CLEC16A: variants seen among roughly 807,000 people sequenced by gnomAD.
CLEC16A encodes C-type lectin domain containing 16A.
Under a neutral mutation model 109.5 loss-of-function variants are expected in CLEC16A, and 51 were observed. The observed-to-expected ratio is 0.47, with a 90% CI of 0.37 to 0.59. The LOEUF (loss-of-function observed/expected upper bound fraction) is 0.59, where lower values mean the gene tolerates loss of function less well. Among genes scored for constraint, CLEC16A ranks in the 20% least tolerant of loss-of-function variants. The probability of loss-of-function intolerance (pLI) is 0.00; values close to 1 mark genes in which losing one functional copy is unlikely to be tolerated. For synonymous variants in CLEC16A, 673 were observed against 564.2 expected (o/e 1.19, Z -2.73); for missense variants, 1,339 against 1,394.0 (o/e 0.96, Z 0.63).
intron 22 of CLEC16A, among the ~76,000 whole-genome samples, chr16:11,138,358 G>A (rs1194238569): frequency 6.6e-6 from 1 of 152,244 alleles, no homozygotes; most frequent in Non-Finnish European, 1.5e-5. Context: ...AAGCTCAGCA[G>A]GGCCCGATAG....
intron 19 of CLEC16A, among the ~76,000 whole-genome samples, chr16:11,087,806 G>C (rs772434921): frequency 1.3e-5 from 2 of 152,246 alleles, no homozygotes; most frequent in Non-Finnish European, 2.9e-5. Flanking sequence ...AGAGGAGGAC[G>C]GGGCTTGCCC....
At chr16:10,963,177 G>A (rs1444619331) in intron 3 of CLEC16A, among the ~76,000 whole-genome samples, 1 of 152,216 alleles carries the variant, frequency 6.6e-6, no homozygotes, top group Non-Finnish European at 1.5e-5. Flanking sequence ...TCATCTGTGT[G>A]TGAGTGGAGA....
chr16:11,120,697 G>T lies in CLEC16A; in HGVS notation c.2199G>T (p.Gln733His), dbSNP rs1456775643. The T allele has an allele frequency of 3.1e-6, 5 of 1,610,752 alleles. No homozygotes were observed. The South Asian group carries it at 3.3e-5, about 11-fold the overall frequency. ...VQRFLAVDIY[Q>H]MSLVEPDVSR... ...GATTCCTGGCTGTGGATATTTACCA[G>T]ATGAGTTTGGTGGAGCCTGATGTGT... The change falls in exon 20 of 24, where the codon CAG (glutamine) becomes CAT (histidine). Residue 733 changes from glutamine (Q) to histidine (H), a missense_variant. Physicochemically the swap from Gln to His is conservative, Grantham distance 24 (BLOSUM62 0). Transcript: ENST00000409790.
At chr16:11,138,562 C>T (rs1405901891) in intron 22 of CLEC16A, among the ~76,000 whole-genome samples, 1 of 152,180 alleles carries the variant, frequency 6.6e-6, no homozygotes, top group Non-Finnish European at 1.5e-5. Context: ...CCCTTCACTG[C>T]ATGCTCACAG....
chr16:11,107,825 C>G (rs1311048587), intron 19 of CLEC16A, among the ~76,000 whole-genome samples: 1 of 152,232 alleles, frequency 6.6e-6, no homozygotes, highest in Non-Finnish European at 1.5e-5. Context: ...TTTCAGTTTT[C>G]AGTGGATTCT....
chr16:11,119,327 C>T (rs1487341193), intron 19 of CLEC16A, among the ~76,000 whole-genome samples: 1 of 152,054 alleles, frequency 6.6e-6, no homozygotes, highest in African/African-American at 2.4e-5. Context: ...TATACCAGTA[C>T]CATGCTGTGT....
chr16:11,112,680 T>TAC (rs1269440239), intron 19 of CLEC16A, among the ~76,000 whole-genome samples: 1 of 151,736 alleles, frequency 6.6e-6, no homozygotes, highest in African/African-American at 2.4e-5. Context: ...CATACATACA[T>TAC]ACACACACAC....
intron 19 of CLEC16A, among the ~76,000 whole-genome samples, chr16:11,117,747 G>A (rs1233147660): frequency 5.3e-5 from 8 of 152,052 alleles, no homozygotes; most frequent in Non-Finnish European, 1.2e-4. Flanking sequence ...TTTTTAAATG[G>A]GTATATAATT....
intron 11 of CLEC16A, among the ~76,000 whole-genome samples, chr16:11,009,018 A>T (rs891172875): frequency 6.6e-6 from 1 of 152,040 alleles, no homozygotes; most frequent in East Asian, 1.9e-4. Flanking sequence ...AAAAAAGTAC[A>T]TTCACGTTGT....
At chr16:11,110,441 C>T (rs2051508504) in intron 19 of CLEC16A, among the ~76,000 whole-genome samples, 1 of 152,112 alleles carries the variant, frequency 6.6e-6, no homozygotes, top group Non-Finnish European at 1.5e-5. Flanking sequence ...GCCCGGGGGG[C>T]CTGTGTATCT....
chr16:11,155,358 C>T (rs1464818367), intron 22 of CLEC16A, among the ~76,000 whole-genome samples: 2 of 152,188 alleles, frequency 1.3e-5, no homozygotes, highest in African/African-American at 2.4e-5. Flanking sequence ...CTGTCACATG[C>T]CCAGAGCCAC....
At chr16:11,093,088 C>T (rs1468690543) in intron 19 of CLEC16A, among the ~76,000 whole-genome samples, 1 of 152,252 alleles carries the variant, frequency 6.6e-6, no homozygotes, top group Non-Finnish European at 1.5e-5. Context: ...CCCCCACCAC[C>T]TCCACTTCCC....
chr16:11,032,797 G>T (rs972970001), intron 13 of CLEC16A, among the ~76,000 whole-genome samples: 1 of 152,202 alleles, frequency 6.6e-6, no homozygotes, highest in Non-Finnish European at 1.5e-5. Flanking sequence ...GCAGAAAGTG[G>T]GCCAAGGTGA....
chr16:10,979,528 T>C (rs993536978), intron 9 of CLEC16A, 146 bp downstream of exon 9: 3 of 696,334 alleles, frequency 4.3e-6, no homozygotes, highest in Non-Finnish European at 7.4e-6. Flanking sequence ...AGAAGGGGCT[T>C]TCTGTTTTCC....
chr16:11,132,608 C>A (rs1374544732), intron 22 of CLEC16A, among the ~76,000 whole-genome samples: 1 of 152,202 alleles, frequency 6.6e-6, no homozygotes. Context: ...ATGTGACAAT[C>A]TAACTTTCTG....
intron 13 of CLEC16A, among the ~76,000 whole-genome samples, chr16:11,026,321 C>T (rs953563253): frequency 6.6e-6 from 1 of 152,218 alleles, no homozygotes; most frequent in African/African-American, 2.4e-5. Flanking sequence ...TTTTTAACCA[C>T]TCAATTTCTT....
intron 22 of CLEC16A, among the ~76,000 whole-genome samples, chr16:11,162,838 C>T (rs762650748): frequency 3.3e-5 from 5 of 152,154 alleles, no homozygotes; most frequent in South Asian, 2.1e-4. Context: ...CCTTGTAGTT[C>T]GGTATGTGCA....
chr16:11,033,812 G>A (rs1255213205), intron 13 of CLEC16A, among the ~76,000 whole-genome samples: 2 of 152,234 alleles, frequency 1.3e-5, no homozygotes. Context: ...GGGTTGACCG[G>A]TTGGCGGAAG....
At position 10,983,007 on chromosome 16, in the gene CLEC16A, C is replaced by G. The variant is rs201116446; in HGVS notation, c.1071+16C>G. 12 of 1,351,718 alleles carry G rather than the reference C, an allele frequency of 8.9e-6. No homozygotes were observed. In the African/African-American group the frequency reaches 1.6e-4, roughly 18 times the overall value. 83.7% of individuals were successfully genotyped at this position (1,351,718 alleles called of 1,614,324 possible). Reference sequence around the variant, plus strand: ...GAGAAGTTCTGTAAGTCATTAGCTTCGGGACTGACCTTAACAGGAAACCAT... The same window carrying G: ...GAGAAGTTCTGTAAGTCATTAGCTTGGGGACTGACCTTAACAGGAAACCAT... On this transcript the variant is annotated intron_variant, in intron 10 of 23. Transcript: ENST00000409790.
Sources: allele counts gnomAD v4.1 joint callset (sites outside exome capture counted in the v4.1 genomes callset), GRCh38; gene constraint gnomAD v4.1.1; transcripts MANE v1.5; gene names NCBI Gene and HGNC (gene_info 2026-07-23, HGNC 2026-07-21).